RABL3: variants seen among roughly 807,000 people sequenced by gnomAD.
RABL3 encodes RAB, member of RAS oncogene family like 3.
A neutral mutation model predicts 31.8 loss-of-function variants in RABL3; 31 were observed. The ratio of observed to expected loss-of-function variants is 0.97; its 90% CI spans 0.73 to 1.31. The LOEUF is 1.31. Among genes scored for constraint, RABL3 ranks in the 40% most tolerant of loss-of-function variants. The pLI is 0.00. For missense variants in RABL3, 263 were observed against 279.6 expected (o/e 0.94, Z 0.42); for synonymous variants, 97 against 99.9 (o/e 0.97, Z 0.18).
intron 2 of RABL3, among the ~76,000 whole-genome samples, chr3:120,725,108 A>AAAAC (rs548920322): frequency 0.99 from 148,533 of 150,730 alleles, 73,195 homozygotes; most frequent in East Asian, 1. Context: ...TTACAAGAAA[A>AAAAC]AAACAACCCC....
At chr3:120,712,486 TAA>T (rs1237606365) in intron 2 of RABL3, among the ~76,000 whole-genome samples, 2 of 151,904 alleles carry the variant, frequency 1.3e-5, no homozygotes, top group African/African-American at 2.4e-5. Flanking sequence ...TTATAAAGAG[TAA>T]GTTATCTGTT....
chr3:120,692,243 G>C (rs1708388763), intron 6 of RABL3, among the ~76,000 whole-genome samples: 1 of 151,950 alleles, frequency 6.6e-6, no homozygotes, highest in Non-Finnish European at 1.5e-5. Context: ...CTGTCACCCA[G>C]GCTGGAGTGC....
At chr3:120,701,246 T>C (rs1000729675) in intron 4 of RABL3, among the ~76,000 whole-genome samples, 7 of 152,196 alleles carry the variant, frequency 4.6e-5, no homozygotes, top group East Asian at 3.8e-4. Context: ...TTTTTAAACA[T>C]TGAATACTAC....
chr3:120,708,591 G>GTCTAA (rs1212923585), intron 3 of RABL3, among the ~76,000 whole-genome samples: 1 of 151,946 alleles, frequency 6.6e-6, no homozygotes, highest in Non-Finnish European at 1.5e-5. Flanking sequence ...TCTAGTATAA[G>GTCTAA]TCTAAACTAG....
intron 2 of RABL3, among the ~76,000 whole-genome samples, chr3:120,724,483 A>G (rs535112830): frequency 6.6e-5 from 10 of 152,340 alleles, no homozygotes; most frequent in South Asian, 4.1e-4. Flanking sequence ...AAAAGAGCCC[A>G]CATTGCCAAG....
At chr3:120,706,235 T>A in intron 3 of RABL3, 121 bp from the exon 4 acceptor site, 1 of 621,732 alleles carries the variant, frequency 1.6e-6, no homozygotes, top group East Asian at 2.8e-5. Context: ...CATTCTAGTA[T>A]GACTAACAAC....
chr3:120,696,314 A>G (rs1708434920), intron 5 of RABL3, among the ~76,000 whole-genome samples: 1 of 152,102 alleles, frequency 6.6e-6, no homozygotes, highest in African/African-American at 2.4e-5. Flanking sequence ...ATTAGTTTTT[A>G]TTTGAGGCTT....
intron 1 of RABL3, among the ~76,000 whole-genome samples, chr3:120,731,728 T>C (rs144434086): frequency 5.0e-4 from 76 of 152,220 alleles, no homozygotes; most frequent in Admixed American, 9.2e-4. Context: ...TTTTTTATTA[T>C]AAAAAGTTAT....
Position 120,698,132 on chromosome 3 carries a change from C to T in RABL3, c.534+291G>A, listed in dbSNP as rs187061870. Among the ~76,000 whole-genome samples the T allele has an allele frequency of 2.8e-3, 423 of 152,256 alleles. 20 individuals carry two copies. In the South Asian group the frequency reaches 0.085, roughly 30 times the overall value. ...TGAGCTGAGAACGCGCCACTGCACT[C>T]CAGTCTGGGCGACAGAGCGAGACTC... On this transcript the variant is annotated intron_variant, in intron 5 of 7. Transcript: ENST00000273375.
Position 120,685,682 on chromosome 3 carries a change from G to A in RABL3, c.*4141C>T, listed in dbSNP as rs535438443. On this transcript the variant is annotated 3_prime_UTR_variant, in exon 8 of 8. Coordinates refer to ENST00000273375, the MANE Select transcript of RABL3 (RefSeq NM_173825.5). ...ATTAAGGTGAGATCAGGTTGAGGCA[G>A]TCAAAGATGCGCTTTGATGAATTCT... Among the ~76,000 whole-genome samples, 71 of 152,322 alleles carry A rather than the reference G, an allele frequency of 4.7e-4. No homozygotes were observed. The highest frequency in any genetic ancestry group is 8.7e-4 in the Non-Finnish European group (59 of 68,038).
intron 1 of RABL3, among the ~76,000 whole-genome samples, chr3:120,737,099 G>A (rs1708977036): frequency 6.6e-6 from 1 of 152,116 alleles, no homozygotes; most frequent in African/African-American, 2.4e-5. Flanking sequence ...AACTTCTCCT[G>A]GATAATATCC....
chr3:120,726,652 G>A (rs1157613417), intron 2 of RABL3, among the ~76,000 whole-genome samples: 2 of 152,106 alleles, frequency 1.3e-5, no homozygotes, highest in Non-Finnish European at 2.9e-5. Flanking sequence ...GCTGAGGGAG[G>A]AGAATCGCTT....
At chr3:120,703,091 G>C (rs953839780) in intron 4 of RABL3, among the ~76,000 whole-genome samples, 2 of 152,166 alleles carry the variant, frequency 1.3e-5, no homozygotes, top group Non-Finnish European at 2.9e-5. Flanking sequence ...AGTAGTTCGT[G>C]AATGCTTGAG....
chr3:120,724,491 A>C (rs1420976964), intron 2 of RABL3, among the ~76,000 whole-genome samples: 1 of 152,230 alleles, frequency 6.6e-6, no homozygotes, highest in African/African-American at 2.4e-5. Flanking sequence ...CCACATTGCC[A>C]AGTCAATCCT....
intron 1 of RABL3, among the ~76,000 whole-genome samples, chr3:120,741,814 C>T (rs895168543): frequency 1.3e-5 from 2 of 152,112 alleles, no homozygotes; most frequent in Non-Finnish European, 2.9e-5. Context: ...GAAGATCAAA[C>T]GAGAACCAGG....
intron 5 of RABL3, among the ~76,000 whole-genome samples, chr3:120,696,786 T>C (rs766743829): frequency 4.6e-5 from 7 of 152,200 alleles, no homozygotes; most frequent in Non-Finnish European, 8.8e-5. Context: ...ACAAGAATAT[T>C]ATATATCTAT....
intron 7 of RABL3, among the ~76,000 whole-genome samples, 181 bp downstream of exon 7, chr3:120,690,268 T>C (rs1487066933): frequency 5.3e-5 from 8 of 152,174 alleles, no homozygotes; most frequent in Admixed American, 4.6e-4. Context: ...ATTTGTTTCC[T>C]AGATCCTTAT....
chr3:120,703,522 G>A (rs1215102363), intron 4 of RABL3, among the ~76,000 whole-genome samples: 1 of 151,910 alleles, frequency 6.6e-6, no homozygotes, highest in African/African-American at 2.4e-5. Flanking sequence ...AGAAGCTATA[G>A]AGAACAAAAT....
chr3:120,698,387 A>T, intron 5 of RABL3, 36 bp downstream of exon 5: 1 of 1,574,152 alleles, frequency 6.4e-7, no homozygotes, highest in Non-Finnish European at 8.7e-7. Flanking sequence ...TCTTTACCCG[A>T]TAATAATACA....
Sources: allele counts gnomAD v4.1 joint callset (sites outside exome capture counted in the v4.1 genomes callset), GRCh38; gene constraint gnomAD v4.1.1; transcripts MANE v1.5; gene names NCBI Gene and HGNC (gene_info 2026-07-23, HGNC 2026-07-21).